Variants in PDE3A observed in about 807,000 individuals in gnomAD.
PDE3A encodes the protein phosphodiesterase 3A.
Under a neutral mutation model 98.3 loss-of-function variants are expected in PDE3A, and 43 were observed. That is an observed-to-expected ratio of 0.44 (90% CI 0.34 to 0.56). PDE3A has a LOEUF of 0.56. Among genes scored for constraint, PDE3A ranks in the 20% least tolerant of loss-of-function variants. The pLI, the probability that PDE3A is intolerant of heterozygous loss-of-function variation, is 0.01. For synonymous variants in PDE3A, 663 were observed against 567.9 expected (o/e 1.17, Z -2.38); for missense variants, 1,427 against 1,440.7 (o/e 0.99, Z 0.15).
intron 1 of PDE3A, among the ~76,000 whole-genome samples, chr12:20,401,935 A>T (rs1851026263): frequency 2.6e-5 from 4 of 152,220 alleles, no homozygotes. Context: ...AAATTTAGAT[A>T]ATATCTTAAG....
chr12:20,599,360 C>G (rs1943536831), intron 2 of PDE3A, among the ~76,000 whole-genome samples: 1 of 152,098 alleles, frequency 6.6e-6, no homozygotes, highest in Admixed American at 6.6e-5. Context: ...CTGAGTAACA[C>G]TGGGAAGTAC....
intron 1 of PDE3A, among the ~76,000 whole-genome samples, chr12:20,403,643 G>A (rs1053520624): frequency 6.6e-6 from 1 of 152,116 alleles, no homozygotes; most frequent in African/African-American, 2.4e-5. Context: ...ACATCAGAAT[G>A]TGCAAAATGA....
intron 2 of PDE3A, among the ~76,000 whole-genome samples, chr12:20,594,190 G>T (rs545628694): frequency 1.1e-4 from 1 of 8,922 alleles, no homozygotes; most frequent in East Asian, 6.3e-3. Flanking sequence ...CCCTAATTTT[G>T]TTAGTAGAGG....
intron 1 of PDE3A, among the ~76,000 whole-genome samples, chr12:20,432,390 T>C (rs1305180814): frequency 6.6e-6 from 1 of 152,150 alleles, no homozygotes; most frequent in African/African-American, 2.4e-5. Flanking sequence ...TGTAGTATAT[T>C]GCCTACAGTT....
At chr12:20,494,382 G>A (rs1406635484) in intron 1 of PDE3A, among the ~76,000 whole-genome samples, 1 of 152,158 alleles carries the variant, frequency 6.6e-6, no homozygotes, top group African/African-American at 2.4e-5. Flanking sequence ...TGATAGCTGT[G>A]TAATCAAATT....
At chr12:20,625,546 A>T (rs1363678912) in intron 5 of PDE3A, among the ~76,000 whole-genome samples, 1 of 152,224 alleles carries the variant, frequency 6.6e-6, no homozygotes, top group Non-Finnish European at 1.5e-5. Flanking sequence ...TTTGGAAAAA[A>T]TATTCGGGCT....
chr12:20,579,533 A>C (rs1943017025), intron 2 of PDE3A, among the ~76,000 whole-genome samples: 1 of 152,164 alleles, frequency 6.6e-6, no homozygotes, highest in Admixed American at 6.6e-5. Flanking sequence ...TAGAGCTACA[A>C]GTCCATTAGG....
In PDE3A at chr12:20,639,924, C is replaced by T. The variant is rs1944606523; in HGVS notation, c.2218C>T (p.His740Tyr). 2 of 1,535,228 alleles carry T rather than the reference C, an allele frequency of 1.3e-6. No homozygotes were observed. Among genetic ancestry groups the T allele is most frequent in the Admixed American group, 3.3e-5 (2 of 59,858 alleles). Residue 740 changes from histidine to tyrosine, a missense_variant, in exon 10 of 16, where the codon CAT (histidine) becomes TAT (tyrosine). This residue lies in a region of PDE3A where 273 missense variants were observed against 420.3 expected (regional missense o/e 0.65). Transcript: ENST00000359062. ...AATTAGGGAATTTATGAATTATTTTCATGCTTTGGAGATTGGATATAGGGA... is the reference window on the plus strand; with the variant it reads ...AATTAGGGAATTTATGAATTATTTTTATGCTTTGGAGATTGGATATAGGGA... ...IPIREFMNYF[H>Y]ALEIGYRDIP...
intron 1 of PDE3A, among the ~76,000 whole-genome samples, chr12:20,430,954 A>T (rs1353869879): frequency 6.6e-6 from 1 of 152,176 alleles, no homozygotes; most frequent in African/African-American, 2.4e-5. Context: ...AGTTCCAGGC[A>T]AGTCACCCTT....
In PDE3A at chr12:20,604,156, G is replaced by A. The variant is rs139361928; in HGVS notation, c.1012-9287G>A. 6.1e-3 allele frequency among the ~76,000 whole-genome samples: 913 copies of A among 148,748 alleles called. 2 individuals carry two copies. Among genetic ancestry groups the A allele is most frequent in the Non-Finnish European group, 9.2e-3 (621 of 67,398 alleles). Reference sequence around the variant, plus strand: ...TGCACTCCAGCCTGGGCCATAGAGCGAGACTCCATCTCAAGAAAGAAGAAA... The same window carrying A: ...TGCACTCCAGCCTGGGCCATAGAGCAAGACTCCATCTCAAGAAAGAAGAAA... On this transcript the variant is annotated intron_variant, in intron 2 of 15. Coordinates refer to ENST00000359062, the MANE Select transcript of PDE3A (RefSeq NM_000921.5).
rs140515358 is a variant in PDE3A, at chr12:20,369,980, C to G, written c.696C>G (p.Phe232Leu). 2 of 1,613,332 alleles carry G rather than the reference C, an allele frequency of 1.2e-6. No homozygotes were observed. Among genetic ancestry groups the G allele is most frequent in the South Asian group, 2.2e-5 (2 of 91,074 alleles). ...RTVSLISLER[F>L]KVAWRPYLAY... ...TGTCCCTCATTTCCTTAGAGAGGTT[C>G]AAGGTCGCCTGGAGACCTTACCTGG... The change falls in exon 1 of 16, where the codon TTC becomes TTG. Residue 232 changes from phenylalanine to leucine, a missense_variant. Transcript: ENST00000359062.
chr12:20,402,443 C>G (rs1390417825), intron 1 of PDE3A, among the ~76,000 whole-genome samples: 1 of 152,096 alleles, frequency 6.6e-6, no homozygotes, highest in Non-Finnish European at 1.5e-5. Flanking sequence ...GCCACCACGC[C>G]TGGCCTGGAT....
At chr12:20,478,627 T>C (rs925030870) in intron 1 of PDE3A, among the ~76,000 whole-genome samples, 17 of 152,200 alleles carry the variant, frequency 1.1e-4, no homozygotes, top group African/African-American at 4.1e-4. Flanking sequence ...GGTGTAAATG[T>C]TTACTGTAAA....
chr12:20,589,645 G>C (rs1010512524), intron 2 of PDE3A, among the ~76,000 whole-genome samples: 1 of 151,922 alleles, frequency 6.6e-6, no homozygotes, highest in African/African-American at 2.4e-5. Context: ...GAGGCGGGCA[G>C]ATCACGAGGT....
At position 20,547,774 on chromosome 12, in the gene PDE3A, C is replaced by T. The variant is rs187581627; in HGVS notation, c.961-8886C>T. 1.3e-4 allele frequency among the ~76,000 whole-genome samples: 19 copies of T among 151,944 alleles called. No individual in the cohort carries two copies. In the South Asian group the frequency reaches 3.7e-3, roughly 30 times the overall value. The stretch of plus-strand genomic sequence containing the variant: ...TTCTCCCGAGAAGCCCCTAAAAAGG[C>T]GTTCATTTTTACGTAAACAAACAAC... On this transcript the variant is annotated intron_variant, in intron 1 of 15. Coordinates refer to ENST00000359062, the MANE Select transcript of PDE3A (RefSeq NM_000921.5).
chr12:20,637,270 T>C, intron 9 of PDE3A, 33 bp downstream of exon 9: 9 of 1,527,738 alleles, frequency 5.9e-6, no homozygotes, highest in Non-Finnish European at 8.1e-6. Flanking sequence ...CTAATTTAAA[T>C]ATAGGAAAAA....
chr12:20,646,872 G>C lies in PDE3A; in HGVS notation c.2487G>C (p.Leu829=). ...GNIPALELMA[L]YVAAAMHDYD... ...TCCCTGCCTTGGAGTTGATGGCGCT[G>C]TATGTGGCTGCAGCCATGCACGATT... Residue 829 remains leucine (L), a synonymous_variant, in exon 12 of 16, where the codon CTG becomes CTC. Coordinates refer to ENST00000359062, the MANE Select transcript of PDE3A (RefSeq NM_000921.5). The C allele has an allele frequency of 6.2e-7, 1 of 1,613,926 alleles. No individual in the cohort carries two copies. The highest frequency in any genetic ancestry group is 8.5e-7 in the Non-Finnish European group (1 of 1,179,808).
At chr12:20,649,118 A>G (rs1592146129) in intron 13 of PDE3A, among the ~76,000 whole-genome samples, 1 of 151,016 alleles carries the variant, frequency 6.6e-6, no homozygotes, top group East Asian at 2.0e-4. Flanking sequence ...TTTTTAGTAG[A>G]GATGGGGTTT....
At chr12:20,493,142 C>A (rs1391625828) in intron 1 of PDE3A, among the ~76,000 whole-genome samples, 2 of 152,076 alleles carry the variant, frequency 1.3e-5, no homozygotes, top group Non-Finnish European at 2.9e-5. Flanking sequence ...GTATCATTAA[C>A]ACTTTATAGA....
Sources: gnomAD v4.1 joint callset for allele counts (sites outside exome capture counted in the v4.1 genomes callset) on GRCh38, gnomAD v4.1.1 for gene constraint, gnomAD v4.1.1 regional missense constraint, MANE v1.5 for transcripts, NCBI Gene and HGNC (gene_info 2026-07-23, HGNC 2026-07-21) for gene names.